The following WIPF1 variants were observed in gnomAD, a reference collection of about 807,000 sequenced individuals.
WIPF1 encodes the protein WAS/WASL-interacting protein family member 1.
A neutral mutation model predicts 35.4 loss-of-function variants in WIPF1; 13 were observed. The observed-to-expected ratio is 0.37, with a 90% CI of 0.24 to 0.58. The LOEUF is 0.58. Among genes scored for constraint, WIPF1 ranks in the 20% least tolerant of loss-of-function variants. The pLI is 0.74. For synonymous variants in WIPF1, 267 were observed against 266.3 expected, an observed-to-expected ratio of 1.00 and a Z score of -0.02; for missense variants, 591 against 667.0, an observed-to-expected ratio of 0.89 and a Z score of 1.25.
Position 174,617,047 on chromosome 2 carries a change from T to G in WIPF1, c.-38-31436A>C, listed in dbSNP as rs533991851. Among the ~76,000 whole-genome samples, 6 of 152,300 alleles carry G rather than the reference T, an allele frequency of 3.9e-5. No individual in the cohort carries two copies. The East Asian group carries it at 1.2e-3, about 29-fold the overall frequency. ...ATATCTGAAACTTGTGTCATTGACC[T>G]TCAACTACATAGTGAGGTTTTCAGT... On this transcript the variant is annotated intron_variant, in intron 1 of 8. Transcript: ENST00000272746.
At chr2:174,665,145 A>G (rs547392667) in intron 1 of WIPF1, 1 of 152,316 alleles carries the variant, frequency 6.6e-6, no homozygotes, top group African/African-American at 2.4e-5. Context: ...ATAACGCTGC[A>G]TACATCCCTA....
upstream of WIPF1, among the ~76,000 whole-genome samples, chr2:174,599,817 ATCTCTCTC>A (rs60827805): frequency 3.6e-5 from 5 of 139,350 alleles, no homozygotes; most frequent in African/African-American, 1.3e-4. Flanking sequence ...CTCTCTAGCT[ATCTCTCTC>A]TCTCTCTCTC....
rs2105805004 is a variant in WIPF1, at chr2:174,571,594, T to A, written c.1129+82A>T. Reference sequence around the variant, plus strand: ...TGAGTTTACTTATGCCTGCTTTTGTTAGACTATCTTGACTGACAGGATTAT... The same window carrying A: ...TGAGTTTACTTATGCCTGCTTTTGTAAGACTATCTTGACTGACAGGATTAT... On this transcript the variant is annotated intron_variant, in intron 5 of 7. Transcript: ENST00000679041. The surrounding 1 kb of genome is among the most constrained non-coding windows in gnomAD (Gnocchi z 4.6). 1 of 1,590,652 alleles carries A rather than the reference T, an allele frequency of 6.3e-7. No homozygotes were observed. Among genetic ancestry groups the A allele is most frequent in the East Asian group, 2.2e-5 (1 of 44,762 alleles).
chr2:174,636,233 G>C (rs1270687234), intron 1 of WIPF1, among the ~76,000 whole-genome samples: 2 of 152,154 alleles, frequency 1.3e-5, no homozygotes, highest in African/African-American at 4.8e-5. Context: ...CAACTAAGCA[G>C]CTGCATATGT....
chr2:174,679,894 G>A (rs539031960), intron 1 of WIPF1, among the ~76,000 whole-genome samples: 3 of 152,362 alleles, frequency 2.0e-5, no homozygotes, highest in South Asian at 2.1e-4. Context: ...GTATTCATCT[G>A]TCAAAGGGAG....
At chr2:174,568,105 C>A in intron 5 of WIPF1, 32 bp from the exon 6 acceptor site, 2 of 1,593,098 alleles carry the variant, frequency 1.3e-6, no homozygotes, top group Non-Finnish European at 8.5e-7. Context: ...AGTGCAGAAC[C>A]TTACATCCAC....
intron 1 of WIPF1, among the ~76,000 whole-genome samples, chr2:174,592,829 C>G (rs1025569815): frequency 6.6e-5 from 10 of 152,086 alleles, no homozygotes; most frequent in Admixed American, 3.3e-4. Context: ...TGGTCTTGAA[C>G]TCCTGACCTC....
Position 174,560,525 on chromosome 2 carries a change from A to G in WIPF1, c.*2022T>C, listed in dbSNP as rs1265124378. On this transcript the variant is annotated 3_prime_UTR_variant, in exon 8 of 8. Transcript: ENST00000679041. ...TTTCACTGTTGAAATCAGATAAAAG[A>G]ATCCCAAATAAATGATGCTGCTAAA... The G allele has an allele frequency of 6.6e-6, 1 of 152,634 alleles. No individual in the cohort carries two copies. Among genetic ancestry groups the G allele is most frequent in the African/African-American group, 2.4e-5 (1 of 41,454 alleles). The allele number at this position is 152,634 out of a possible 1,614,324, so 9.5% of individuals were successfully genotyped here.
rs779062082 is a variant in WIPF1 at position 174,622,977 on chromosome 2, A to C, written c.-38-37366T>G. 1.3e-5 allele frequency among the ~76,000 whole-genome samples: 2 copies of C among 152,200 alleles called. No homozygotes were observed. The highest frequency in any genetic ancestry group is 2.9e-5 in the Non-Finnish European group (2 of 68,022). ...TTATGAATTATCTTAAAGCCCAAAG[A>C]CTTTAAGAAATAAGAGTTGGTAAAT... is the stretch of plus-strand genomic sequence containing the variant. On this transcript the variant is annotated intron_variant, in intron 1 of 8. Transcript: ENST00000272746. The surrounding 1 kb of genome is among the most constrained non-coding windows in gnomAD (Gnocchi z 5.1).
intron 4 of WIPF1, among the ~76,000 whole-genome samples, chr2:174,574,393 T>C (rs906414631): frequency 1.3e-5 from 2 of 152,212 alleles, no homozygotes; most frequent in African/African-American, 2.4e-5. Context: ...CATTCAGTGA[T>C]AAAATAGTAG....
chr2:174,643,627 C>G (rs1687343381), intron 1 of WIPF1, among the ~76,000 whole-genome samples: 1 of 138,980 alleles, frequency 7.2e-6, no homozygotes, highest in Non-Finnish European at 1.5e-5. Context: ...CTATGCTGGT[C>G]TCCAACTTCT....
At chr2:174,652,523 G>C (rs758055451) in intron 1 of WIPF1, among the ~76,000 whole-genome samples, 1 of 152,176 alleles carries the variant, frequency 6.6e-6, no homozygotes, top group Non-Finnish European at 1.5e-5. Context: ...TGGCCCTTTA[G>C]TATTTTCCTT....
chr2:174,635,635 G>T (rs189346055), intron 1 of WIPF1, among the ~76,000 whole-genome samples: 2 of 147,342 alleles, frequency 1.4e-5, no homozygotes, highest in African/African-American at 5.0e-5. Flanking sequence ...GGAGTCAAAT[G>T]ATCTCCTGGA....
At chr2:174,645,865 G>A (rs546091672) in intron 1 of WIPF1, among the ~76,000 whole-genome samples, 2 of 152,172 alleles carry the variant, frequency 1.3e-5, no homozygotes, top group Non-Finnish European at 2.9e-5. Context: ...CATCTTTGTT[G>A]TTGACCAAAA....
chr2:174,663,512 G>A (rs1461297554), intron 1 of WIPF1, among the ~76,000 whole-genome samples: 1 of 141,246 alleles, frequency 7.1e-6, no homozygotes, highest in Non-Finnish European at 1.5e-5. Context: ...CAGGCCTGAA[G>A]TTTCCTGGGG....
At chr2:174,580,296 C>CTCA in intron 3 of WIPF1, among the ~76,000 whole-genome samples, 1 of 152,164 alleles carries the variant, frequency 6.6e-6, no homozygotes. Flanking sequence ...CAGCACTTTG[C>CTCA]CCGGTAACAG....
chr2:174,647,223 T>G (rs1687429450), intron 1 of WIPF1, among the ~76,000 whole-genome samples: 1 of 152,032 alleles, frequency 6.6e-6, no homozygotes, highest in Admixed American at 6.6e-5. Context: ...TTTTTTTTTT[T>G]TTTAATTAGC....
intron 4 of WIPF1, among the ~76,000 whole-genome samples, chr2:174,574,047 G>A (rs1684967307): frequency 6.6e-6 from 1 of 151,654 alleles, no homozygotes; most frequent in Non-Finnish European, 1.5e-5. Flanking sequence ...GAGCCACCAT[G>A]CCCACTAACT....
rs140295689 is a variant in WIPF1, at chr2:174,675,202, T to C, written c.-39+7572A>G. ...TATAAGCAAGGAGAAAGTTCAGGAA[T>C]TGATAATATTGATTACTTCAAAGGG... is the stretch of plus-strand genomic sequence containing the variant. On this transcript the variant is annotated intron_variant, in intron 1 of 8. Transcript: ENST00000272746. 5.6e-3 allele frequency among the ~76,000 whole-genome samples: 848 copies of C among 152,310 alleles called. 8 individuals carry two copies. Among genetic ancestry groups the C allele is most frequent in the African/African-American group, 0.018 (729 of 41,564 alleles).
Sources: allele counts gnomAD v4.1 joint callset (sites outside exome capture counted in the v4.1 genomes callset), GRCh38; gene constraint gnomAD v4.1.1; non-coding constraint Gnocchi (gnomAD v3.1); transcripts MANE v1.5; gene names NCBI Gene and HGNC (gene_info 2026-07-23, HGNC 2026-07-21).